The following STXBP5L variants were observed in gnomAD, a reference collection of about 807,000 sequenced individuals.
The protein encoded by STXBP5L is syntaxin binding protein 5L, also known as syntaxin-binding protein 5-like.
Under a neutral mutation model 144.5 loss-of-function variants are expected in STXBP5L, and 65 were observed. That is an observed-to-expected ratio of 0.45 (90% CI 0.37 to 0.55). STXBP5L has a LOEUF of 0.55. Ranked by LOEUF, STXBP5L falls within the 20% of genes least tolerant of loss-of-function variation. The probability of loss-of-function intolerance (pLI) is 0.00; values close to 1 mark genes in which losing one functional copy is unlikely to be tolerated. For missense variants in STXBP5L, 1,298 were observed against 1,405.5 expected (o/e 0.92, Z 1.22); for synonymous variants, 505 against 469.6 (o/e 1.08, Z -0.97).
At chr3:121,180,301 A>G (rs376596889) in intron 9 of STXBP5L, among the ~76,000 whole-genome samples, 4 of 152,232 alleles carry the variant, frequency 2.6e-5, no homozygotes, top group African/African-American at 9.6e-5. Flanking sequence ...CTTAAACAAA[A>G]TACTTGTTAG....
At position 121,015,592 on chromosome 3, in the gene STXBP5L, A is replaced by G. The variant is rs151117204; in HGVS notation, c.288-26108A>G. ...TTACTGAAATGTTCGGGAACCCCCA[A>G]TACTTTTCCTTTTAGGGAACCCACC... On this transcript the variant is annotated intron_variant, in intron 3 of 26. Transcript: ENST00000471454. 3.0e-3 allele frequency among the ~76,000 whole-genome samples: 460 copies of G among 152,318 alleles called. 1 individual carries two copies. Among genetic ancestry groups the G allele is most frequent in the Non-Finnish European group, 5.6e-3 (380 of 68,026 alleles).
intron 20 of STXBP5L, among the ~76,000 whole-genome samples, chr3:121,334,167 A>G (rs1312288088): frequency 6.6e-6 from 1 of 152,126 alleles, no homozygotes; most frequent in Non-Finnish European, 1.5e-5. Flanking sequence ...TTCCCCGGCC[A>G]TGTGGAACTG....
chr3:121,301,778 G>T (rs1034031777), intron 19 of STXBP5L, among the ~76,000 whole-genome samples: 1 of 152,036 alleles, frequency 6.6e-6, no homozygotes, highest in African/African-American at 2.4e-5. Context: ...TTTGTCAAAG[G>T]CCTTTTCTGC....
chr3:121,100,482 C>A (rs2043361763), intron 5 of STXBP5L, among the ~76,000 whole-genome samples: 1 of 152,108 alleles, frequency 6.6e-6, no homozygotes, highest in African/African-American at 2.4e-5. Flanking sequence ...TAAAAACTTG[C>A]TCCCGATTGA....
At chr3:121,192,714 A>C (rs1199021661) in intron 9 of STXBP5L, among the ~76,000 whole-genome samples, 2 of 152,232 alleles carry the variant, frequency 1.3e-5, no homozygotes, top group Non-Finnish European at 1.5e-5. Flanking sequence ...AAAAACCAGC[A>C]ATGGGGAAAT....
At chr3:120,930,460 T>C (rs966768981) in intron 2 of STXBP5L, among the ~76,000 whole-genome samples, 2 of 152,160 alleles carry the variant, frequency 1.3e-5, no homozygotes, top group African/African-American at 4.8e-5. Context: ...GAAATGCATT[T>C]TGATACTAGT....
intron 2 of STXBP5L, among the ~76,000 whole-genome samples, chr3:120,943,730 C>A (rs1710690622): frequency 6.6e-6 from 1 of 151,272 alleles, no homozygotes; most frequent in Non-Finnish European, 1.5e-5. Context: ...TCAAAATAGC[C>A]CTTTTGTGGC....
chr3:121,196,826 T>C (rs1462806064), intron 9 of STXBP5L, among the ~76,000 whole-genome samples: 1 of 141,062 alleles, frequency 7.1e-6, no homozygotes, highest in Admixed American at 7.1e-5. Context: ...TTTGCTACCA[T>C]GCCCAGATTA....
intron 15 of STXBP5L, among the ~76,000 whole-genome samples, chr3:121,253,438 A>G (rs1169651090): frequency 2.5e-4 from 38 of 151,958 alleles, no homozygotes; most frequent in Admixed American, 2.5e-3. Flanking sequence ...TTGGAGACAC[A>G]TTACATACCC....
chr3:121,136,625 G>T lies in STXBP5L; in HGVS notation c.669+14921G>T, dbSNP rs538244410. Among the ~76,000 whole-genome samples the T allele has an allele frequency of 1.1e-4, 16 of 152,278 alleles. No individual in the cohort carries two copies. In the South Asian group the frequency reaches 3.3e-3, roughly 32 times the overall value. On this transcript the variant is annotated intron_variant, in intron 7 of 26. Coordinates refer to ENST00000471454, the MANE Select transcript of STXBP5L (RefSeq NM_001308330.2). ...GAATAGGTAACACTTGTACACTGCTGGTGGGAATGTAAATTAGTTAAGCCA... is the reference window on the plus strand; with the variant it reads ...GAATAGGTAACACTTGTACACTGCTTGTGGGAATGTAAATTAGTTAAGCCA...
intron 3 of STXBP5L, among the ~76,000 whole-genome samples, chr3:120,977,460 C>T (rs1326191744): frequency 6.6e-6 from 1 of 152,154 alleles, no homozygotes; most frequent in Non-Finnish European, 1.5e-5. Context: ...GATGGGTTTC[C>T]TGAATACAGC....
chr3:121,240,272 G>GTGTT (rs2049624530), intron 13 of STXBP5L, among the ~76,000 whole-genome samples, 168 bp from the exon 14 acceptor site: 1 of 152,100 alleles, frequency 6.6e-6, no homozygotes, highest in African/African-American at 2.4e-5. Flanking sequence ...GCATTTAGAG[G>GTGTT]TGTTTGTTCA....
chr3:121,401,739 T>A (rs1437656539), intron 22 of STXBP5L, among the ~76,000 whole-genome samples: 3 of 82,700 alleles, frequency 3.6e-5, no homozygotes, highest in Non-Finnish European at 5.1e-5. Flanking sequence ...CTCTGGGGAC[T>A]GTGGTGGGGT....
intron 3 of STXBP5L, among the ~76,000 whole-genome samples, chr3:120,964,466 G>A (rs1220659611): frequency 1.3e-5 from 2 of 152,150 alleles, no homozygotes; most frequent in Non-Finnish European, 2.9e-5. Flanking sequence ...ATTCTGGTAT[G>A]TTGTGTCTTT....
intron 5 of STXBP5L, among the ~76,000 whole-genome samples, chr3:121,066,394 T>C (rs1283746443): frequency 2.7e-5 from 4 of 150,542 alleles, no homozygotes; most frequent in Non-Finnish European, 5.9e-5. Flanking sequence ...TTATAGGAAA[T>C]ATATATATAT....
At chr3:120,937,544 C>CTA (rs979747327) in intron 2 of STXBP5L, among the ~76,000 whole-genome samples, 5 of 152,140 alleles carry the variant, frequency 3.3e-5, no homozygotes, top group Non-Finnish European at 5.9e-5. Flanking sequence ...GTTGTGATCC[C>CTA]TATATCTGCC....
chr3:120,999,210 G>A (rs553236606), intron 3 of STXBP5L, among the ~76,000 whole-genome samples: 160 of 152,070 alleles, frequency 1.1e-3, no homozygotes, highest in African/African-American at 3.7e-3. Context: ...ATGCTACCAC[G>A]TTCAGCTAAT....
chr3:121,132,614 T>A (rs73191407), intron 7 of STXBP5L, among the ~76,000 whole-genome samples: 19,895 of 151,970 alleles, frequency 0.13, 1,622 homozygotes, highest in Non-Finnish European at 0.19. Flanking sequence ...TCAAGGAAAA[T>A]GAAGAATCAG....
Position 121,091,522 on chromosome 3 carries a change from A to G in STXBP5L, c.471-23403A>G, listed in dbSNP as rs551227098. On this transcript the variant is annotated intron_variant, in intron 5 of 26. Transcript: ENST00000471454. ...TGCAGTTTTGATTTGCATTTCTCTG[A>G]TGGCCAGTGATGGTGAGCATTTTTT... 3.2e-3 allele frequency among the ~76,000 whole-genome samples: 483 copies of G among 152,232 alleles called. 3 individuals are homozygous for G. The highest frequency in any genetic ancestry group is 0.011 in the African/African-American group (454 of 41,538).
Sources: gnomAD v4.1 joint callset for allele counts (sites outside exome capture counted in the v4.1 genomes callset) on GRCh38, gnomAD v4.1.1 for gene constraint, MANE v1.5 for transcripts, NCBI Gene and HGNC (gene_info 2026-07-23, HGNC 2026-07-21) for gene names.